Variants in MARCHF1 observed in about 807,000 individuals in gnomAD.
MARCHF1 encodes membrane associated ring-CH-type finger 1.
Under a neutral mutation model 54.2 loss-of-function variants are expected in MARCHF1, and 40 were observed. The observed-to-expected ratio is 0.74, with a 90% CI of 0.57 to 0.96. MARCHF1 has a LOEUF of 0.96. Among genes scored for constraint, MARCHF1 ranks in the 40% least tolerant of loss-of-function variants. The probability of loss-of-function intolerance (pLI) is 0.00; values close to 1 mark genes in which losing one functional copy is unlikely to be tolerated. For synonymous variants in MARCHF1, 236 were observed against 236.3 expected (o/e 1.00, Z 0.01); for missense variants, 586 against 656.5 (o/e 0.89, Z 1.17).
intron 2 of MARCHF1, among the ~76,000 whole-genome samples, chr4:164,062,238 T>C (rs922193154): frequency 1.3e-5 from 2 of 152,164 alleles, no homozygotes; most frequent in African/African-American, 2.4e-5. Context: ...ATTGACAGGC[T>C]TTGCTTCTAA....
chr4:163,936,541 C>T (rs1179347095), intron 3 of MARCHF1, among the ~76,000 whole-genome samples: 1 of 152,164 alleles, frequency 6.6e-6, no homozygotes, highest in Non-Finnish European at 1.5e-5. Flanking sequence ...GCTCAGATCT[C>T]TGAGGATGGT....
At chr4:164,114,264 A>T (rs1755895379) in intron 1 of MARCHF1, among the ~76,000 whole-genome samples, 1 of 151,988 alleles carries the variant, frequency 6.6e-6, no homozygotes, top group African/African-American at 2.4e-5. Flanking sequence ...TCATAAAAAT[A>T]AAAACATATC....
rs535755463 is a variant in MARCHF1, at chr4:163,567,532, C to A, written c.1191+18217G>T. On this transcript the variant is annotated intron_variant, in intron 8 of 9. Transcript: ENST00000514618. ...ATTCCCATGTGTTTTGGGAGGGACC[C>A]AGTGGGAGTTAATTGAATCATGGGG... is the stretch of plus-strand genomic sequence containing the variant. 2.8e-4 allele frequency among the ~76,000 whole-genome samples: 42 copies of A among 152,264 alleles called. No individual in the cohort carries two copies. In the East Asian group the frequency reaches 7.5e-3, roughly 27 times the overall value.
rs1174293219 is a variant in MARCHF1, at chr4:163,737,204, ATTTTT to A, written c.112-36346_112-36342del. Reference sequence around the variant, plus strand: ...TTTTCACATATTAGTTTATTTATTTATTTTTTTTAATTTTTTTTTTTTTTATTATA... The same window carrying A: ...TTTTCACATATTAGTTTATTTATTTATTTAATTTTTTTTTTTTTTATTATA... On this transcript the variant is annotated intron_variant, in intron 4 of 9. Transcript: ENST00000514618. Among the ~76,000 whole-genome samples the A allele has an allele frequency of 1.0e-3, 26 of 25,070 alleles. 1 individual carries two copies. Among genetic ancestry groups the A allele is most frequent in the African/African-American group, 2.0e-3 (19 of 9,692 alleles). 16.4% of individuals were successfully genotyped at this position (25,070 alleles called of 152,430 possible). A position where few individuals can be genotyped will look rare whatever the true frequency, so the allele number is the denominator to read the frequency against.
rs148707200 is a variant in MARCHF1, at chr4:164,382,922, C to T, written c.-323+948G>A. On this transcript the variant is annotated intron_variant, in intron 1 of 9. Coordinates refer to ENST00000514618, the MANE Select transcript of MARCHF1 (RefSeq NM_001394959.1). ...AGCAAGCAAATCTTTTCTGGAACTA[C>T]TGAATAACAATAAGAATTGCCAGGA... 7.2e-5 allele frequency among the ~76,000 whole-genome samples: 11 copies of T among 152,284 alleles called. No homozygotes were observed. In the East Asian group the frequency reaches 1.9e-3, roughly 27 times the overall value.
chr4:163,691,598 G>A lies in MARCHF1; in HGVS notation c.162+9215C>T, dbSNP rs536238509. On this transcript the variant is annotated intron_variant, in intron 5 of 9. Transcript: ENST00000514618. The stretch of plus-strand genomic sequence containing the variant: ...TCTAAAATGAATGGGTGAAAACAAT[G>A]GTGAGTATCAGTTATGACCTGTGAA... Among the ~76,000 whole-genome samples, 4 of 152,258 alleles carry A rather than the reference G, an allele frequency of 2.6e-5. No homozygotes were observed. In the South Asian group the frequency reaches 6.2e-4, roughly 24 times the overall value.
chr4:163,709,098 A>G (rs1402062750), intron 4 of MARCHF1, among the ~76,000 whole-genome samples: 1 of 152,182 alleles, frequency 6.6e-6, no homozygotes, highest in Non-Finnish European at 1.5e-5. Flanking sequence ...ACTCCTATAT[A>G]TGTCTACATA....
rs1325523680 is a variant in MARCHF1, at chr4:163,763,600, C to T, written c.112-62737G>A. 2.6e-5 allele frequency among the ~76,000 whole-genome samples: 4 copies of T among 151,860 alleles called. No individual in the cohort carries two copies. The East Asian group carries it at 7.7e-4, about 29-fold the overall frequency. On this transcript the variant is annotated intron_variant, in intron 4 of 9. Coordinates refer to ENST00000514618, the MANE Select transcript of MARCHF1 (RefSeq NM_001394959.1). ...TTAGAGGGGTTTCTGAATGACTTTC[C>T]CCCCTTACGAACTTCTAAGAAAACC...
chr4:163,865,345 G>C (rs1417802902), intron 3 of MARCHF1, among the ~76,000 whole-genome samples: 2 of 151,864 alleles, frequency 1.3e-5, no homozygotes, highest in Non-Finnish European at 2.9e-5. Flanking sequence ...TGACACAACA[G>C]TAAGTTTATT....
At chr4:163,863,591 A>C (rs185810661) in intron 3 of MARCHF1, among the ~76,000 whole-genome samples, 1 of 152,204 alleles carries the variant, frequency 6.6e-6, no homozygotes, top group African/African-American at 2.4e-5. Context: ...ATGTGATTAC[A>C]TAACACGTAT....
chr4:164,357,206 A>C (rs777454454), intron 1 of MARCHF1, among the ~76,000 whole-genome samples: 1 of 152,132 alleles, frequency 6.6e-6, no homozygotes, highest in African/African-American at 2.4e-5. Context: ...GTCCCAAATC[A>C]GTTTCAGCAA....
intron 1 of MARCHF1, among the ~76,000 whole-genome samples, chr4:164,260,186 T>C (rs1177880780): frequency 2.0e-5 from 3 of 152,212 alleles, no homozygotes; most frequent in African/African-American, 7.2e-5. Flanking sequence ...TCAGTCTGTG[T>C]GTGTTCATAG....
intron 5 of MARCHF1, among the ~76,000 whole-genome samples, chr4:163,656,532 C>A (rs956851649): frequency 6.6e-6 from 1 of 151,610 alleles, no homozygotes; most frequent in African/African-American, 2.4e-5. Flanking sequence ...TGAAAAGGAG[C>A]GACTCCTCCT....
At chr4:163,765,212 A>C (rs999908386) in intron 4 of MARCHF1, among the ~76,000 whole-genome samples, 2 of 152,130 alleles carry the variant, frequency 1.3e-5, no homozygotes, top group African/African-American at 4.8e-5. Context: ...TAGCAGAGAA[A>C]ATGTTAATAA....
chr4:163,917,992 G>A (rs1190571199), intron 3 of MARCHF1, among the ~76,000 whole-genome samples: 3 of 152,072 alleles, frequency 2.0e-5, no homozygotes, highest in African/African-American at 7.2e-5. Context: ...AAATGGTATT[G>A]CCTATATTTT....
intron 1 of MARCHF1, among the ~76,000 whole-genome samples, chr4:164,368,364 T>A (rs1217636232): frequency 6.6e-6 from 1 of 151,520 alleles, no homozygotes; most frequent in African/African-American, 2.4e-5. Flanking sequence ...GTAGAAAACA[T>A]CAAGACACTT....
chr4:164,292,885 G>T (rs1174190141), intron 1 of MARCHF1, among the ~76,000 whole-genome samples: 1 of 151,994 alleles, frequency 6.6e-6, no homozygotes, highest in Non-Finnish European at 1.5e-5. Flanking sequence ...CTACAGGTTG[G>T]TATATCAACG....
At chr4:163,727,625 T>TG (rs397878774) in intron 4 of MARCHF1, among the ~76,000 whole-genome samples, 2 of 151,792 alleles carry the variant, frequency 1.3e-5, no homozygotes, top group African/African-American at 2.4e-5. Context: ...TTTTTTTTTT[T>TG]GCCATGAAGA....
chr4:163,656,066 C>T (rs1743127169), intron 5 of MARCHF1, among the ~76,000 whole-genome samples: 1 of 149,890 alleles, frequency 6.7e-6, no homozygotes, highest in Non-Finnish European at 1.5e-5. Flanking sequence ...CAAAGCAGAA[C>T]TGAAGGAGAC....
Sources: allele counts gnomAD v4.1 joint callset (sites outside exome capture counted in the v4.1 genomes callset), GRCh38; gene constraint gnomAD v4.1.1; transcripts MANE v1.5; gene names NCBI Gene and HGNC (gene_info 2026-07-23, HGNC 2026-07-21).